MYBBP1A: variants seen among roughly 807,000 people sequenced by gnomAD.
MYBBP1A encodes MYB binding protein 1a.
MYBBP1A carries 147 observed loss-of-function variants against 136.3 expected under a neutral mutation model. That is an observed-to-expected ratio of 1.08 (90% CI 0.94 to 1.24). The LOEUF (loss-of-function observed/expected upper bound fraction) is 1.24, where lower values mean the gene tolerates loss of function less well. MYBBP1A is among the 50% of genes most tolerant of loss of function. The pLI, the probability that MYBBP1A is intolerant of heterozygous loss-of-function variation, is 0.00. For synonymous variants in MYBBP1A, 947 were observed against 735.8 expected, an observed-to-expected ratio of 1.29 and a Z score of -4.65; for missense variants, 2,060 against 1,727.4, an observed-to-expected ratio of 1.19 and a Z score of -3.41.
chr17:4,545,768 G>A lies in MYBBP1A; in HGVS notation c.1922-7C>T, dbSNP rs368924198. ...CACGGGGGTTCCTGGGGGTCTGCAA[G>A]AGGGAGGGGTTGAGCCCGGATAGGG... On this transcript the variant is annotated splice_polypyrimidine_tract_variant and splice_region_variant and intron_variant, in intron 14 of 25. Transcript: ENST00000254718. The A allele has an allele frequency of 3.7e-6, 6 of 1,606,228 alleles. No individual in the cohort carries two copies. The highest frequency in any genetic ancestry group is 1.3e-5 in the African/African-American group (1 of 74,832).
intron 9 of MYBBP1A, 80 bp downstream of exon 9, chr17:4,549,978 G>C: frequency 6.8e-7 from 1 of 1,464,932 alleles, no homozygotes; most frequent in East Asian, 2.3e-5. Context: ...ACGCTGTGGA[G>C]GGCGGGCTTG....
chr17:4,550,115 G>A lies in MYBBP1A; in HGVS notation c.1262C>T (p.Ser421Phe), dbSNP rs1444262425. Residue 421 changes from serine to phenylalanine, a missense_variant, in exon 9 of 26, where the codon TCC becomes TTC. Physicochemically the swap from Ser to Phe is radical, Grantham distance 155. Coordinates refer to ENST00000254718, the MANE Select transcript of MYBBP1A (RefSeq NM_014520.4). ...GTTGTTGGTGCTGAAGTCAACCAAG[G>A]AGTCCAGGTCTGGCTGGAGAAACAT... ...RAMFLQPDLDSLVDFSTNNQK... is the reference protein window; with the variant it reads ...RAMFLQPDLDFLVDFSTNNQK... 2 of 1,614,030 alleles carry A rather than the reference G, an allele frequency of 1.2e-6. No homozygotes were observed. The highest frequency in any genetic ancestry group is 1.1e-5 in the South Asian group (1 of 91,086).
rs1444162436 is a variant in MYBBP1A at position 4,554,963 on chromosome 17, A to G, written c.199-7T>C. The G allele has an allele frequency of 1.9e-6, 3 of 1,613,194 alleles. No individual in the cohort carries two copies. The highest frequency in any genetic ancestry group is 2.7e-5 in the African/African-American group (2 of 74,898). On this transcript the variant is annotated splice_polypyrimidine_tract_variant and splice_region_variant and intron_variant, in intron 1 of 25. Transcript: ENST00000254718. ...CATATTTCATCTCGGACCCCTGCGG[A>G]ACCAAGCACACCCTCGTGTTCAATG...
intron 9 of MYBBP1A, 21 bp downstream of exon 9, chr17:4,550,037 C>T (rs372723331): frequency 3.8e-6 from 6 of 1,587,462 alleles, no homozygotes; most frequent in South Asian, 2.3e-5. Context: ...AATTAGGTGT[C>T]CTCCCCCAAG....
chr17:4,542,905 C>T lies in MYBBP1A; in HGVS notation c.2892+8G>A. ...CCTGGGGCTGCTCCTGGGCCAGGCC[C>T]TGCTCACCTGCGGGCCCGTGGGCAT... On this transcript the variant is annotated splice_region_variant and intron_variant, in intron 20 of 25. Transcript: ENST00000254718. 1.2e-6 allele frequency: 2 copies of T among 1,613,662 alleles called. No homozygotes were observed. Among genetic ancestry groups the T allele is most frequent in the South Asian group, 2.2e-5 (2 of 91,070 alleles).
intron 5 of MYBBP1A, among the ~76,000 whole-genome samples, chr17:4,553,386 T>C (rs927324748): frequency 1.3e-5 from 2 of 152,280 alleles, no homozygotes; most frequent in African/African-American, 4.8e-5. Flanking sequence ...ATGGCAAACG[T>C]TTTATATACT....
chr17:4,539,462 T>G lies in MYBBP1A; in HGVS notation c.3940A>C (p.Ser1314Arg). The change falls in exon 26 of 26, where the codon AGT (serine) becomes CGT (arginine). Residue 1314 changes from serine to arginine, a missense_variant. By Grantham distance (110) the Ser-to-Arg change is moderately radical. Transcript: ENST00000254718. ...ACCTGTGCTTTCTTCTTGGCCCCACTCTGAAGCAGGCTGGGACTCCTGATG... is the reference window on the plus strand; with the variant it reads ...ACCTGTGCTTTCTTCTTGGCCCCACGCTGAAGCAGGCTGGGACTCCTGATG... ...LVIRSPSLLQ[S>R]GAKKKAQVRK... 1 of 1,613,972 alleles carries G rather than the reference T, an allele frequency of 6.2e-7. No individual in the cohort carries two copies. Among genetic ancestry groups the G allele is most frequent in the Non-Finnish European group, 8.5e-7 (1 of 1,180,000 alleles).
In MYBBP1A at chr17:4,539,623, T is replaced by C. The variant is rs1355277384; in HGVS notation, c.3779A>G (p.Gln1260Arg). 2.5e-6 allele frequency: 4 copies of C among 1,613,520 alleles called. No homozygotes were observed. The highest frequency in any genetic ancestry group is 3.4e-6 in the Non-Finnish European group (4 of 1,179,740). ...KLQKKNQKPS[Q>R]VNGAPGSPTE... ...GGGGGACCCGGGAGCTCCATTCACC[T>C]GGGACGGCTTCTGGTTTTTCTTCTG... Residue 1260 changes from glutamine to arginine, a missense_variant, in exon 26 of 26, where the codon CAG becomes CGG. Physicochemically the swap from Gln to Arg is conservative, Grantham distance 43. Coordinates refer to ENST00000254718, the MANE Select transcript of MYBBP1A (RefSeq NM_014520.4).
At chr17:4,547,220 T>TAA (rs1567609548) in intron 13 of MYBBP1A, among the ~76,000 whole-genome samples, 1 of 152,120 alleles carries the variant, frequency 6.6e-6, no homozygotes, top group Non-Finnish European at 1.5e-5. Flanking sequence ...GCTGCACCTT[T>TAA]TATCTAAGGC....
intron 13 of MYBBP1A, 121 bp downstream of exon 13, chr17:4,547,837 C>T: frequency 3.4e-6 from 3 of 873,532 alleles, no homozygotes; most frequent in Non-Finnish European, 4.9e-6. Context: ...AAAAACCTCC[C>T]AACTTAACTC....
chr17:4,545,678 C>A lies in MYBBP1A; in HGVS notation c.2005G>T (p.Val669Leu). Residue 669 changes from valine to leucine, a missense_variant, in exon 15 of 26, where the codon GTG (valine) becomes TTG (leucine). Physicochemically the swap from Val to Leu is conservative, Grantham distance 32. Transcript: ENST00000254718. ...ATGTGGCCAAACACGCTCCGGGCCA[C>A]CTGGCGCATGAGGTGGCTGGGCTGG... ...LAQPSHLMRQVARSVFGHICS... is the reference protein window; with the variant it reads ...LAQPSHLMRQLARSVFGHICS... 1 of 1,611,574 alleles carries A rather than the reference C, an allele frequency of 6.2e-7. No individual in the cohort carries two copies. The highest frequency in any genetic ancestry group is 8.5e-7 in the Non-Finnish European group (1 of 1,178,434).
intron 2 of MYBBP1A, among the ~76,000 whole-genome samples, chr17:4,554,557 T>C (rs1197394603): frequency 1.3e-5 from 2 of 152,206 alleles, no homozygotes; most frequent in Admixed American, 1.3e-4. Flanking sequence ...GAGAGTGGTC[T>C]ACTCCAATCA....
At chr17:4,543,962 C>CG (rs1555540461) in intron 19 of MYBBP1A, among the ~76,000 whole-genome samples, 1 of 152,270 alleles carries the variant, frequency 6.6e-6, no homozygotes, top group Non-Finnish European at 1.5e-5. Context: ...TGCGAGGGTG[C>CG]GGGGGTCTGT....
rs1906817902 is a variant in MYBBP1A, at chr17:4,544,796, G to A, written c.2436C>T (p.Asn812=). Residue 812 remains asparagine (N), a synonymous_variant, in exon 18 of 26, where the codon AAC becomes AAT. Coordinates refer to ENST00000254718, the MANE Select transcript of MYBBP1A (RefSeq NM_014520.4). ...GCAGAGCCTTCTCCTTCTGCAGCTT[G>A]TTCTTCTCGTCTCGCCGGGCCTGGA... ...LRIQARRDEK[N]KLQKEKALRR... is the part of the protein sequence containing the mutation. The A allele has an allele frequency of 1.3e-6, 2 of 1,599,478 alleles. No individual in the cohort carries two copies. Among genetic ancestry groups the A allele is most frequent in the South Asian group, 2.3e-5 (2 of 88,688 alleles).
chr17:4,549,671 A>C (rs1354746351), intron 9 of MYBBP1A, among the ~76,000 whole-genome samples: 1 of 150,710 alleles, frequency 6.6e-6, no homozygotes, highest in African/African-American at 2.4e-5. Context: ...CAGCTACTGG[A>C]GAGGCTGAGG....
chr17:4,552,675 T>C lies in MYBBP1A; in HGVS notation c.562-49A>G. 2 of 1,567,106 alleles carry C rather than the reference T, an allele frequency of 1.3e-6. No individual in the cohort carries two copies. ...CGTGACTTCCTCTGCGGGGTGAGCC[T>C]GGTGGATCCTGTTCTACCTGCTCCT... On this transcript the variant is annotated intron_variant, in intron 5 of 25. Transcript: ENST00000254718. The surrounding 1 kb of genome is among the most constrained non-coding windows in gnomAD (Gnocchi z 4.7).
intron 15 of MYBBP1A, 126 bp downstream of exon 15, chr17:4,545,484 G>C: frequency 6.7e-7 from 1 of 1,491,238 alleles, no homozygotes; most frequent in Non-Finnish European, 9.0e-7. Context: ...CCAAGGCCTC[G>C]TTGAGACCCC....
chr17:4,540,511 TG>T, intron 24 of MYBBP1A, 27 bp from the exon 25 acceptor site: 1 of 1,588,852 alleles, frequency 6.3e-7, no homozygotes. Flanking sequence ...GGCAGAGCTG[TG>T]GGGCCACAGA....
At position 4,539,784 on chromosome 17, in the gene MYBBP1A, G is replaced by A. The variant is rs1468484942; in HGVS notation, c.3618C>T (p.Pro1206=). ...TPAATGGSQP[P]SMGRKKRNRT... The stretch of plus-strand genomic sequence containing the variant: ...TGTTCCTCTTCTTCCTGCCCATGCT[G>A]GGGGGCTGGCTCCCGCCGGTGGCTG... Residue 1206 remains proline, a synonymous_variant, in exon 26 of 26, where the codon CCC becomes CCT. Transcript: ENST00000254718. The A allele has an allele frequency of 6.2e-7, 1 of 1,612,600 alleles. No homozygotes were observed. Among genetic ancestry groups the A allele is most frequent in the East Asian group, 2.2e-5 (1 of 44,884 alleles).
Sources: gnomAD v4.1 joint callset for allele counts (sites outside exome capture counted in the v4.1 genomes callset) on GRCh38, gnomAD v4.1.1 for gene constraint, Gnocchi (gnomAD v3.1) non-coding constraint, MANE v1.5 for transcripts, NCBI Gene and HGNC (gene_info 2026-07-23, HGNC 2026-07-21) for gene names.